The following CSMD1 variants were observed in gnomAD, a reference collection of about 807,000 sequenced individuals.
CSMD1 encodes the protein CUB and sushi domain-containing protein 1.
CSMD1 carries 213 observed loss-of-function variants against 417.5 expected under a neutral mutation model. The observed-to-expected ratio is 0.51, with a 90% CI of 0.46 to 0.57. The LOEUF (loss-of-function observed/expected upper bound fraction) is 0.57. Among genes scored for constraint, CSMD1 ranks in the 20% least tolerant of loss-of-function variants. CSMD1 has a pLI of 0.00. For missense variants in CSMD1, 6,923 were observed against 4,529.7 expected, an observed-to-expected ratio of 1.53 and a Z score of -15.17; for synonymous variants, 2,862 against 1,736.8, an observed-to-expected ratio of 1.65 and a Z score of -16.11.
At chr8:3,120,961 G>T (rs978698039) in intron 41 of CSMD1, among the ~76,000 whole-genome samples, 12 of 152,144 alleles carry the variant, frequency 7.9e-5, no homozygotes, top group South Asian at 2.1e-4. Context: ...TAAAAAATCA[G>T]TTGTAATATT....
At chr8:3,692,418 C>T (rs934282655) in intron 7 of CSMD1, among the ~76,000 whole-genome samples, 3 of 151,638 alleles carry the variant, frequency 2.0e-5, no homozygotes, top group Non-Finnish European at 2.9e-5. Flanking sequence ...TCGACCTAAG[C>T]CACCAGACAT....
intron 3 of CSMD1, among the ~76,000 whole-genome samples, chr8:4,304,454 T>C (rs1798140108): frequency 6.6e-6 from 1 of 152,196 alleles, no homozygotes; most frequent in Admixed American, 6.5e-5. Flanking sequence ...AGTGACTTGC[T>C]GGAAGTCACC....
Position 4,443,518 on chromosome 8 carries a change from ATACAG to A in CSMD1, c.303-23458_303-23454del, listed in dbSNP as rs371182502. ...ATATGCCACATATATTAACACCAGAATACAGTATAGAATTTCACGAATGATATGTC... is the reference window on the plus strand; with the variant it reads ...ATATGCCACATATATTAACACCAGAATATAGAATTTCACGAATGATATGTC... On this transcript the variant is annotated intron_variant, in intron 2 of 69. Coordinates refer to ENST00000635120, the MANE Select transcript of CSMD1 (RefSeq NM_033225.6). Among the ~76,000 whole-genome samples, 306 of 152,366 alleles carry A rather than the reference ATACAG, an allele frequency of 2.0e-3. 8 individuals carry two copies. The Middle Eastern group carries it at 0.031, about 15-fold the overall frequency.
At chr8:4,177,715 C>T (rs1297570971) in intron 3 of CSMD1, among the ~76,000 whole-genome samples, 8 of 149,054 alleles carry the variant, frequency 5.4e-5, no homozygotes, top group Non-Finnish European at 8.9e-5. Flanking sequence ...AGACAAGAAT[C>T]AAATAGATGC....
At chr8:4,324,987 C>G (rs1387948312) in intron 3 of CSMD1, among the ~76,000 whole-genome samples, 4 of 152,240 alleles carry the variant, frequency 2.6e-5, no homozygotes, top group East Asian at 1.9e-4. Context: ...GTTGACACAT[C>G]ATTGCATTCC....
At chr8:3,640,805 G>C (rs1302116915) in intron 7 of CSMD1, among the ~76,000 whole-genome samples, 1 of 152,080 alleles carries the variant, frequency 6.6e-6, no homozygotes, top group Non-Finnish European at 1.5e-5. Flanking sequence ...CTCACAGAGG[G>C]ATGGAAAGAC....
chr8:3,087,413 G>GT (rs1814620361), intron 48 of CSMD1, 128 bp from the exon 49 acceptor site: 1 of 955,958 alleles, frequency 1.0e-6, no homozygotes, highest in African/African-American at 1.6e-5. Context: ...GCACCAGTAT[G>GT]TAAGTTTGTT....
intron 1 of CSMD1, among the ~76,000 whole-genome samples, chr8:4,902,265 CTCTA>C (rs1804927065): frequency 1.4e-5 from 2 of 145,040 alleles, no homozygotes; most frequent in African/African-American, 2.6e-5. Context: ...AAACATCTCG[CTCTA>C]TCTATTAAAA....
rs913763312 is a variant in CSMD1 at position 3,188,970 on chromosome 8, G to A, written c.5440C>T (p.Leu1814=). Residue 1814 remains leucine (L), a synonymous_variant, in exon 35 of 70, where the codon CTG becomes TTG. Coordinates refer to ENST00000635120, the MANE Select transcript of CSMD1 (RefSeq NM_033225.6). The stretch of plus-strand genomic sequence containing the variant: ...TATGGCTCAGGGTAGCCGGGGGACA[G>A]GATTGTACCTCTTCGTTGAGTGAAA... ...GNFTQRRGTI[L]SPGYPEPYGN... 3 of 1,613,396 alleles carry A rather than the reference G, an allele frequency of 1.9e-6. No homozygotes were observed. The South Asian group carries it at 3.3e-5, about 18-fold the overall frequency.
chr8:3,443,106 T>C (rs978197513), intron 12 of CSMD1, among the ~76,000 whole-genome samples: 2 of 152,234 alleles, frequency 1.3e-5, no homozygotes, highest in East Asian at 1.9e-4. Context: ...GTACTTATGA[T>C]GCCTTTTCTA....
intron 11 of CSMD1, among the ~76,000 whole-genome samples, chr8:3,484,397 A>G (rs1216606586): frequency 2.0e-5 from 3 of 152,240 alleles, no homozygotes. Flanking sequence ...GCAAACCGTG[A>G]ACCTCAACCT....
intron 1 of CSMD1, among the ~76,000 whole-genome samples, chr8:4,804,405 C>T (rs576797025): frequency 6.6e-6 from 1 of 151,506 alleles, no homozygotes; most frequent in South Asian, 2.1e-4. Context: ...AATTACAAAG[C>T]TTTCTATGCA....
chr8:4,707,924 A>G (rs201695115), intron 1 of CSMD1, among the ~76,000 whole-genome samples: 5 of 88,760 alleles, frequency 5.6e-5, no homozygotes, highest in East Asian at 6.8e-4. Context: ...AAAAAAAAAA[A>G]AAAAAGAGGG....
rs778352393 is a variant in CSMD1, at chr8:4,144,612, G to A, written c.416-112513C>T. On this transcript the variant is annotated intron_variant, in intron 3 of 69. Transcript: ENST00000635120. ...TAAGTCATAAAAGAGGTGAAGACAA[G>A]CTTGTTCTTGTTTGTCTGGAGCTTC... Among the ~76,000 whole-genome samples, 36 of 150,998 alleles carry A rather than the reference G, an allele frequency of 2.4e-4. 1 individual carries two copies. The highest frequency in any genetic ancestry group is 3.8e-4 in the Non-Finnish European group (26 of 68,036).
intron 1 of CSMD1, among the ~76,000 whole-genome samples, chr8:4,973,531 G>A (rs1283420531): frequency 6.6e-6 from 1 of 152,084 alleles, no homozygotes; most frequent in Non-Finnish European, 1.5e-5. Context: ...GAATCCTACA[G>A]TTTACTTCAG....
chr8:4,223,779 G>C (rs1465815579), intron 3 of CSMD1, among the ~76,000 whole-genome samples: 1 of 152,192 alleles, frequency 6.6e-6, no homozygotes, highest in African/African-American at 2.4e-5. Flanking sequence ...CTAGTCTGAT[G>C]CAAATTAAAA....
intron 1 of CSMD1, among the ~76,000 whole-genome samples, chr8:4,850,859 AGTCCTCAT>A (rs2116829782): frequency 6.6e-6 from 1 of 152,252 alleles, no homozygotes; most frequent in African/African-American, 2.4e-5. Context: ...AAGTATGTTT[AGTCCTCAT>A]GTCACATGAA....
At chr8:4,078,241 C>T (rs1205562723) in intron 3 of CSMD1, among the ~76,000 whole-genome samples, 2 of 151,504 alleles carry the variant, frequency 1.3e-5, no homozygotes, top group Non-Finnish European at 2.9e-5. Context: ...CACATATAAA[C>T]GTATTACGTA....
At chr8:4,133,067 T>G (rs986016023) in intron 3 of CSMD1, among the ~76,000 whole-genome samples, 1 of 152,016 alleles carries the variant, frequency 6.6e-6, no homozygotes, top group Non-Finnish European at 1.5e-5. Context: ...TCTTGAGTAG[T>G]TGGGACTACA....
Sources: gnomAD v4.1 joint callset for allele counts (sites outside exome capture counted in the v4.1 genomes callset) on GRCh38, gnomAD v4.1.1 for gene constraint, MANE v1.5 for transcripts, NCBI Gene and HGNC (gene_info 2026-07-23, HGNC 2026-07-21) for gene names.